Variants in ZNF695 observed in about 807,000 individuals in gnomAD.
ZNF695 encodes the protein zinc finger protein 695.
ZNF695 carries 11 observed loss-of-function variants against 11.2 expected under a neutral mutation model. That is an observed-to-expected ratio of 0.98 (90% CI 0.62 to 1.62). The LOEUF (loss-of-function observed/expected upper bound fraction) is 1.62, where lower values mean the gene tolerates loss of function less well. ZNF695 is among the 40% of genes most tolerant of loss of function. ZNF695 has a pLI of 0.00. For synonymous variants in ZNF695, 190 were observed against 201.4 expected (o/e 0.94, Z 0.48); for missense variants, 559 against 590.5 (o/e 0.95, Z 0.55).
intron 4 of ZNF695, among the ~76,000 whole-genome samples, chr1:246,974,399 G>C (rs1258374939): frequency 6.8e-6 from 1 of 146,068 alleles, no homozygotes; most frequent in Middle Eastern, 3.2e-3. Context: ...AGATACAGTA[G>C]ACTAACACCT....
chr1:247,003,189 T>C lies in ZNF695; in HGVS notation c.4-3115A>G, dbSNP rs193233499. Reference sequence around the variant, plus strand: ...TATGTTCACTGTAGCCTTTTCACAATAGCAAAGACATGGAGTCAACCTACC... The same window carrying C: ...TATGTTCACTGTAGCCTTTTCACAACAGCAAAGACATGGAGTCAACCTACC... On this transcript the variant is annotated intron_variant, in intron 1 of 3. Coordinates refer to ENST00000339986, the MANE Select transcript of ZNF695 (RefSeq NM_020394.5). Among the ~76,000 whole-genome samples the C allele has an allele frequency of 6.7e-4, 102 of 152,272 alleles. 1 individual carries two copies. The South Asian group carries it at 6.8e-3, about 10-fold the overall frequency.
chr1:246,979,591 T>G lies in ZNF695; in HGVS notation c.390+8534A>C, dbSNP rs1421988260. Among the ~76,000 whole-genome samples, 6 of 152,186 alleles carry G rather than the reference T, an allele frequency of 3.9e-5. No individual in the cohort carries two copies. In the East Asian group the frequency reaches 9.6e-4, roughly 24 times the overall value. On this transcript the variant is annotated intron_variant, in intron 4 of 5. Transcript: ENST00000487338. ...AGCCTCAGAAATGTTATTGAAATCTTTACTACCCATTCGCTAGGTGAAATT... is the reference window on the plus strand; with the variant it reads ...AGCCTCAGAAATGTTATTGAAATCTGTACTACCCATTCGCTAGGTGAAATT...
chr1:247,001,149 A>G (rs1168879846), intron 1 of ZNF695, among the ~76,000 whole-genome samples: 1 of 152,224 alleles, frequency 6.6e-6, no homozygotes, highest in Non-Finnish European at 1.5e-5. Context: ...CCAGAAACTC[A>G]TGTCACATAC....
intron 3 of ZNF695, among the ~76,000 whole-genome samples, chr1:246,989,484 C>CA (rs1668961970): frequency 6.6e-6 from 1 of 151,994 alleles, no homozygotes; most frequent in East Asian, 1.9e-4. Context: ...AATGGATACA[C>CA]AAAAAATGAA....
rs1668618385 is a variant in ZNF695, at chr1:246,978,250, A to G, written c.390+9875T>C. Reference sequence around the variant, plus strand: ...CAGAATACATTCATCCCAGAGTCACAATAATTATGTAAGCAAATGGAATGC... The same window carrying G: ...CAGAATACATTCATCCCAGAGTCACGATAATTATGTAAGCAAATGGAATGC... On this transcript the variant is annotated intron_variant, in intron 4 of 5. Transcript: ENST00000487338. Among the ~76,000 whole-genome samples the G allele has an allele frequency of 2.0e-5, 3 of 152,360 alleles. No homozygotes were observed. The East Asian group carries it at 5.8e-4, about 29-fold the overall frequency.
chr1:246,949,411 C>A (rs933408225), intron 5 of ZNF695, among the ~76,000 whole-genome samples: 4 of 151,860 alleles, frequency 2.6e-5, no homozygotes, highest in African/African-American at 9.7e-5. Flanking sequence ...GCCAACATGG[C>A]GAAACCCCGT....
intron 5 of ZNF695, among the ~76,000 whole-genome samples, chr1:246,956,588 C>T (rs565514663): frequency 6.6e-6 from 1 of 152,100 alleles, no homozygotes; most frequent in Admixed American, 6.5e-5. Context: ...TGCACTCCAG[C>T]CTGGGGGACA....
Position 246,986,356 on chromosome 1 carries a change from C to G in ZNF695, c.*611G>C. 1.0e-6 allele frequency: 1 copy of G among 985,234 alleles called. No individual in the cohort carries two copies. The highest frequency in any genetic ancestry group is 1.2e-6 in the Non-Finnish European group (1 of 829,734). The allele number at this position is 985,234 out of a possible 1,614,324, so 61.0% of individuals were successfully genotyped here. A position where few individuals can be genotyped will look rare whatever the true frequency, so the allele number is the denominator to read the frequency against. On this transcript the variant is annotated 3_prime_UTR_variant, in exon 4 of 4. Transcript: ENST00000339986. ...GTGCAGCAACTATAGGAAAGAGCCACCGTGCCTGGCACCAAAAGGTATACT... is the reference window on the plus strand; with the variant it reads ...GTGCAGCAACTATAGGAAAGAGCCAGCGTGCCTGGCACCAAAAGGTATACT...
At position 246,985,689 on chromosome 1, in the gene ZNF695, C is replaced by A. The variant is rs536218449; in HGVS notation, c.*1278G>T. On this transcript the variant is annotated 3_prime_UTR_variant, in exon 4 of 4. Coordinates refer to ENST00000339986, the MANE Select transcript of ZNF695 (RefSeq NM_020394.5). ...CACTGAATTTTATTACCTTAATGTG[C>A]AATAGGAAAAACAACTGACTTGTAA... The A allele has an allele frequency of 6.1e-6, 6 of 985,182 alleles. No individual in the cohort carries two copies. Among genetic ancestry groups the A allele is most frequent in the Middle Eastern group, 5.2e-4 (1 of 1,936 alleles). The allele number at this position is 985,182 out of a possible 1,614,324, so 61.0% of individuals were successfully genotyped here.
intron 5 of ZNF695, among the ~76,000 whole-genome samples, chr1:246,956,521 T>C (rs1668006261): frequency 6.6e-6 from 1 of 151,522 alleles, no homozygotes; most frequent in Non-Finnish European, 1.5e-5. Flanking sequence ...GAGGCTGAAG[T>C]AGGAGAATCA....
At chr1:246,972,375 T>C (rs1668449680) in intron 4 of ZNF695, among the ~76,000 whole-genome samples, 1 of 152,208 alleles carries the variant, frequency 6.6e-6, no homozygotes, top group East Asian at 1.9e-4. Context: ...TTCCTTCCTT[T>C]CTGGCTGCTG....
At chr1:246,970,304 T>C (rs778687028) in intron 4 of ZNF695, among the ~76,000 whole-genome samples, 2 of 152,250 alleles carry the variant, frequency 1.3e-5, no homozygotes, top group South Asian at 2.1e-4. Context: ...TAGTGTAAAG[T>C]GTGATCTCGG....
At chr1:246,973,538 T>A (rs1200357709) in intron 4 of ZNF695, among the ~76,000 whole-genome samples, 7 of 152,214 alleles carry the variant, frequency 4.6e-5, no homozygotes, top group Admixed American at 4.6e-4. Context: ...CTATGGTGAT[T>A]TCATCTTTCT....
chr1:246,997,156 G>A (rs998878385), intron 3 of ZNF695, among the ~76,000 whole-genome samples: 1 of 152,058 alleles, frequency 6.6e-6, no homozygotes, highest in African/African-American at 2.4e-5. Context: ...GAGGCCAGGA[G>A]TTTGAGACCA....
At chr1:246,967,294 T>C (rs1013828761) in intron 5 of ZNF695, 1 of 450,198 alleles carries the variant, frequency 2.2e-6, no homozygotes, top group Non-Finnish European at 4.4e-6. Flanking sequence ...TGAGAATAGA[T>C]TGTAAGAAGA....
rs368996534 is a variant in ZNF695, at chr1:247,002,250, TGAAATTAAGGCAGAAATGAA to T, written c.4-2196_4-2177del. The stretch of plus-strand genomic sequence containing the variant: ...TGCTTCTGAATGACTGGGTAAATAA[TGAAATTAAGGCAGAAATGAA>T]GAAATTAAGGCAGAAATGAAGAAAT... On this transcript the variant is annotated intron_variant, in intron 1 of 3. Transcript: ENST00000339986. 4.2e-4 allele frequency among the ~76,000 whole-genome samples: 63 copies of T among 151,786 alleles called. 1 individual carries two copies. In the East Asian group the frequency reaches 0.01, roughly 25 times the overall value.
At chr1:246,998,977 AATATATATATAT>A (rs6143721) in intron 3 of ZNF695, among the ~76,000 whole-genome samples, 2,577 of 144,282 alleles carry the variant, frequency 0.018, 38 homozygotes, top group Non-Finnish European at 0.025. Context: ...CAAGAAAACA[AATATATATATAT>A]ATATATATAT....
intron 4 of ZNF695, among the ~76,000 whole-genome samples, chr1:246,975,242 T>C (rs886113911): frequency 2.6e-5 from 4 of 152,212 alleles, no homozygotes; most frequent in African/African-American, 9.6e-5. Context: ...CGTACTGCAT[T>C]CATAAATAAA....
intron 5 of ZNF695, among the ~76,000 whole-genome samples, chr1:246,958,889 T>C (rs114066257): frequency 0.011 from 1,620 of 152,206 alleles, 25 homozygotes; most frequent in African/African-American, 0.036. Flanking sequence ...CGAGTGCCAC[T>C]CACGGGGAAG....
Sources: gnomAD v4.1 joint callset for allele counts (sites outside exome capture counted in the v4.1 genomes callset) on GRCh38, gnomAD v4.1.1 for gene constraint, MANE v1.5 for transcripts, NCBI Gene and HGNC (gene_info 2026-07-23, HGNC 2026-07-21) for gene names.